The following GMEB2 variants were observed in gnomAD, a reference collection of about 807,000 sequenced individuals.
GMEB2 encodes glucocorticoid modulatory element binding protein 2.
Under a neutral mutation model 45.7 loss-of-function variants are expected in GMEB2, and 7 were observed. The ratio of observed to expected loss-of-function variants is 0.15; its 90% CI spans 0.09 to 0.29. GMEB2 has a LOEUF of 0.29. GMEB2 is among the 10% of genes least tolerant of loss of function. The pLI is 1.00. For missense variants in GMEB2, 582 were observed against 739.2 expected (o/e 0.79, Z 2.47); for synonymous variants, 322 against 323.6 (o/e 1.00, Z 0.05).
chr20:63,610,503 A>G (rs1206198368), intron 2 of GMEB2, among the ~76,000 whole-genome samples: 1 of 152,240 alleles, frequency 6.6e-6, no homozygotes, highest in Non-Finnish European at 1.5e-5. Context: ...TCTGGGCGAC[A>G]GAGTGAGAAT....
chr20:63,625,694 T>G (rs2089666417), intron 1 of GMEB2, among the ~76,000 whole-genome samples: 1 of 151,746 alleles, frequency 6.6e-6, no homozygotes, highest in Non-Finnish European at 1.5e-5. Context: ...GCCTTCTGGG[T>G]TCAAGCAATT....
In GMEB2 at chr20:63,592,189, T is replaced by C; in HGVS notation, c.830-45A>G. 1 of 1,588,960 alleles carries C rather than the reference T, an allele frequency of 6.3e-7. No individual in the cohort carries two copies. The highest frequency in any genetic ancestry group is 1.1e-5 in the South Asian group (1 of 89,558). On this transcript the variant is annotated intron_variant, in intron 8 of 9. Coordinates refer to ENST00000370077, the MANE Select transcript of GMEB2 (RefSeq NM_012384.5). The surrounding 1 kb of genome is among the most constrained non-coding windows in gnomAD (Gnocchi z 8.2). Reference sequence around the variant, plus strand: ...ACTCAGTGAGAGCCCAAGCCCTTCCTAGAGAGCCACGCGGACGCTCGGTGA... The same window carrying C: ...ACTCAGTGAGAGCCCAAGCCCTTCCCAGAGAGCCACGCGGACGCTCGGTGA...
Position 63,619,232 on chromosome 20 carries a change from C to G in GMEB2, c.131+35G>C. On this transcript the variant is annotated intron_variant, in intron 2 of 9. Transcript: ENST00000370077. This position sits in a 1 kb window ranked among gnomAD's most constrained non-coding sequence, Gnocchi z 4.6. ...GCCAAGGACAGCCCAACCCAAGCCC[C>G]CATCAGCCCCAATGGCACCGAGGCC... is the stretch of plus-strand genomic sequence containing the variant. 6.5e-7 allele frequency: 1 copy of G among 1,548,042 alleles called. No individual in the cohort carries two copies. The highest frequency in any genetic ancestry group is 8.7e-7 in the Non-Finnish European group (1 of 1,147,002).
At chr20:63,611,663 A>G (rs2089571880) in intron 2 of GMEB2, among the ~76,000 whole-genome samples, 1 of 151,562 alleles carries the variant, frequency 6.6e-6, no homozygotes, top group African/African-American at 2.4e-5. Flanking sequence ...CGCAAGGAAC[A>G]TTCCAGACAC....
chr20:63,594,451 T>A (rs904601273), intron 6 of GMEB2, among the ~76,000 whole-genome samples: 3 of 152,174 alleles, frequency 2.0e-5, no homozygotes, highest in African/African-American at 7.2e-5. Context: ...CCTGGGCTTC[T>A]CAGGACTCAG....
At chr20:63,600,063 A>G (rs2083230587) in intron 4 of GMEB2, among the ~76,000 whole-genome samples, 2 of 151,302 alleles carry the variant, frequency 1.3e-5, no homozygotes, top group African/African-American at 2.4e-5. Context: ...TTTTTTTGAG[A>G]TGGAGTCTCA....
rs568574797 is a variant in GMEB2 at position 63,619,252 on chromosome 20, G to A, written c.131+15C>T. The A allele has an allele frequency of 9.4e-6, 15 of 1,600,828 alleles. No homozygotes were observed. Among genetic ancestry groups the A allele is most frequent in the African/African-American group, 5.4e-5 (4 of 74,716 alleles). On this transcript the variant is annotated intron_variant, in intron 2 of 9. Coordinates refer to ENST00000370077, the MANE Select transcript of GMEB2 (RefSeq NM_012384.5). This position sits in a 1 kb window ranked among gnomAD's most constrained non-coding sequence, Gnocchi z 4.6. ...AGCCCCCATCAGCCCCAATGGCACCGAGGCCCGAGCTTACCCGTGAGGGGC... is the reference window on the plus strand; with the variant it reads ...AGCCCCCATCAGCCCCAATGGCACCAAGGCCCGAGCTTACCCGTGAGGGGC...
chr20:63,605,788 C>A (rs555047837), intron 2 of GMEB2, among the ~76,000 whole-genome samples: 1 of 152,214 alleles, frequency 6.6e-6, no homozygotes, highest in African/African-American at 2.4e-5. Flanking sequence ...AACCTCATCT[C>A]TAACCAAAAT....
At chr20:63,612,613 C>T (rs1204364247) in intron 2 of GMEB2, among the ~76,000 whole-genome samples, 5 of 152,240 alleles carry the variant, frequency 3.3e-5, no homozygotes, top group Admixed American at 6.5e-5. Context: ...TTGGTGATGT[C>T]GCTTGCGTCA....
Position 63,618,148 on chromosome 20 carries a change from T to G in GMEB2, c.131+1119A>C, listed in dbSNP as rs149345041. 3.9e-5 allele frequency among the ~76,000 whole-genome samples: 6 copies of G among 152,210 alleles called. No individual in the cohort carries two copies. The East Asian group carries it at 1.2e-3, about 29-fold the overall frequency. On this transcript the variant is annotated intron_variant, in intron 2 of 9. Transcript: ENST00000370077. ...GATGTCTGGAAACATCATGGACACA[T>G]GCCGGGAAAACACGGAAGCTGTGCA... is the stretch of plus-strand genomic sequence containing the variant.
At chr20:63,613,841 A>C (rs925035911) in intron 2 of GMEB2, among the ~76,000 whole-genome samples, 8 of 152,072 alleles carry the variant, frequency 5.3e-5, no homozygotes, top group Non-Finnish European at 8.8e-5. Flanking sequence ...AAATGTACTT[A>C]ATGTTGAACT....
intron 4 of GMEB2, among the ~76,000 whole-genome samples, chr20:63,602,679 A>G (rs571779496): frequency 6.6e-6 from 1 of 152,254 alleles, no homozygotes; most frequent in Admixed American, 6.5e-5. Flanking sequence ...AATCCTTACC[A>G]AAGAGGCAGC....
chr20:63,604,541 GA>G (rs2089503445), intron 3 of GMEB2, among the ~76,000 whole-genome samples: 1 of 152,236 alleles, frequency 6.6e-6, no homozygotes, highest in African/African-American at 2.4e-5. Flanking sequence ...CATGGGCAGA[GA>G]AAGGGCTGTC....
In GMEB2 at chr20:63,595,518, C is replaced by A; in HGVS notation, c.619+92G>T. The A allele has an allele frequency of 2.4e-6, 3 of 1,228,662 alleles. No homozygotes were observed. The South Asian group carries it at 4.3e-5, about 18-fold the overall frequency. The allele number at this position is 1,228,662 out of a possible 1,614,324, so 76.1% of individuals were successfully genotyped here. ...CGGCAGTCCTGGCGTGAGCAAACGC[C>A]TGGGGCCAAGGAGGCCACCCAGGGG... On this transcript the variant is annotated intron_variant, in intron 6 of 9. Transcript: ENST00000370077.
chr20:63,590,696 C>T lies in GMEB2; in HGVS notation c.986G>A (p.Arg329Gln), dbSNP rs760121227. The stretch of plus-strand genomic sequence containing the variant: ...GGACTTGTGCTTCAGCTCCTTGGCT[C>T]GGCGACGATGCTCATCACACTGCTG... The part of the protein sequence containing the change: ...LEQQCDEHRR[R>Q]AKELKHKSQH... The change falls in exon 10 of 10, where the codon CGA (arginine) becomes CAA (glutamine). Residue 329 changes from arginine (R) to glutamine (Q), a missense_variant. Coordinates refer to ENST00000370077, the MANE Select transcript of GMEB2 (RefSeq NM_012384.5). The T allele has an allele frequency of 1.1e-5, 17 of 1,521,336 alleles. 2 individuals are homozygous for T. The South Asian group carries it at 1.8e-4, about 16-fold the overall frequency. 94.2% of individuals were successfully genotyped at this position (1,521,336 alleles called of 1,614,324 possible).
At chr20:63,605,929 T>A (rs946338075) in intron 2 of GMEB2, among the ~76,000 whole-genome samples, 4 of 151,780 alleles carry the variant, frequency 2.6e-5, no homozygotes, top group African/African-American at 9.7e-5. Flanking sequence ...CATTCCAGCC[T>A]GGGCAACAGA....
chr20:63,593,351 A>C lies in GMEB2; in HGVS notation c.620-269T>G, dbSNP rs1339193100. On this transcript the variant is annotated intron_variant, in intron 6 of 9. Coordinates refer to ENST00000370077, the MANE Select transcript of GMEB2 (RefSeq NM_012384.5). The surrounding 1 kb of genome is among the most constrained non-coding windows in gnomAD (Gnocchi z 4.7). Reference sequence around the variant, plus strand: ...CGTCACCCAATTTCAGCAAATCCTCAACACTTTCCTCCTCTTGTCCATTTA... The same window carrying C: ...CGTCACCCAATTTCAGCAAATCCTCCACACTTTCCTCCTCTTGTCCATTTA... Among the ~76,000 whole-genome samples the C allele has an allele frequency of 6.6e-6, 1 of 151,968 alleles. No homozygotes were observed. The highest frequency in any genetic ancestry group is 1.5e-5 in the Non-Finnish European group (1 of 67,986).
intron 1 of GMEB2, among the ~76,000 whole-genome samples, chr20:63,623,178 A>T (rs1467473680): frequency 1.3e-5 from 2 of 152,184 alleles, no homozygotes; most frequent in Non-Finnish European, 2.9e-5. Flanking sequence ...GAGGAAAAAA[A>T]ATTTTTACAA....
intron 2 of GMEB2, among the ~76,000 whole-genome samples, chr20:63,617,769 C>T (rs570113854): frequency 3.3e-5 from 5 of 152,222 alleles, no homozygotes; most frequent in African/African-American, 1.2e-4. Context: ...GCCGCGGCCA[C>T]GGTGTCAGGG....
Sources: allele counts gnomAD v4.1 joint callset (sites outside exome capture counted in the v4.1 genomes callset), GRCh38; gene constraint gnomAD v4.1.1; non-coding constraint Gnocchi (gnomAD v3.1); transcripts MANE v1.5; gene names NCBI Gene and HGNC (gene_info 2026-07-23, HGNC 2026-07-21).